The following RAPGEF1 variants were observed in gnomAD, a reference collection of about 807,000 sequenced individuals.
RAPGEF1 encodes the protein Rap guanine nucleotide exchange factor 1.
In RAPGEF1, 33 loss-of-function variants were observed where a neutral mutation model predicts 143.3. The ratio of observed to expected loss-of-function variants is 0.23; its 90% CI spans 0.17 to 0.31. The LOEUF is 0.31. Among genes scored for constraint, RAPGEF1 ranks in the 10% least tolerant of loss-of-function variants. The pLI, the probability that RAPGEF1 is intolerant of heterozygous loss-of-function variation, is 1.00. For synonymous variants in RAPGEF1, 629 were observed against 676.5 expected (o/e 0.93, Z 1.09); for missense variants, 1,199 against 1,645.4 (o/e 0.73, Z 4.69).
Position 131,650,963 on chromosome 9 carries a change from G to C in RAPGEF1, c.62-14C>G, listed in dbSNP as rs1970925282. On this transcript the variant is annotated splice_polypyrimidine_tract_variant and intron_variant, in intron 1 of 26. Transcript: ENST00000683357. The surrounding 1 kb of genome is among the most constrained non-coding windows in gnomAD (Gnocchi z 4.7). Reference sequence around the variant, plus strand: ...AACGCTGAGAGTCTGAAAACAAAGAGGGTACTGACTGTTAGATGGGAGTGG... The same window carrying C: ...AACGCTGAGAGTCTGAAAACAAAGACGGTACTGACTGTTAGATGGGAGTGG... 1.9e-6 allele frequency: 3 copies of C among 1,612,696 alleles called. No individual in the cohort carries two copies. The highest frequency in any genetic ancestry group is 2.5e-6 in the Non-Finnish European group (3 of 1,179,268).
chr9:131,584,624 G>C lies in RAPGEF1; in HGVS notation c.3234-28C>G. The C allele has an allele frequency of 6.2e-7, 1 of 1,610,906 alleles. No individual in the cohort carries two copies. Among genetic ancestry groups the C allele is most frequent in the Admixed American group, 1.7e-5 (1 of 60,014 alleles). ...GCATGGACCAAGGGAAAAAGAAACA[G>C]CTGAGTTGACAAGTCCCTGCAGGTC... On this transcript the variant is annotated intron_variant, in intron 22 of 26. Transcript: ENST00000683357. The surrounding 1 kb of genome is among the most constrained non-coding windows in gnomAD (Gnocchi z 6.8).
chr9:131,697,656 T>C (rs1834294100), intron 1 of RAPGEF1, among the ~76,000 whole-genome samples: 1 of 152,252 alleles, frequency 6.6e-6, no homozygotes, highest in Admixed American at 6.5e-5. Flanking sequence ...GCCTTGGAGA[T>C]GGCTCAAAGT....
intron 5 of RAPGEF1, among the ~76,000 whole-genome samples, chr9:131,631,397 C>G (rs553038174): frequency 2.8e-4 from 42 of 152,224 alleles, no homozygotes; most frequent in Non-Finnish European, 5.7e-4. Context: ...TTGCCTGCTC[C>G]GTCCCCCGAG....
Position 131,622,918 on chromosome 9 carries a change from C to T in RAPGEF1, c.1703-920G>A, listed in dbSNP as rs375409806. On this transcript the variant is annotated intron_variant, in intron 10 of 26. Coordinates refer to ENST00000683357, the MANE Select transcript of RAPGEF1 (RefSeq NM_001377935.1). ...GAGTAGCTGGGATTATAGGCATGCA[C>T]CACCGTGTCCAGCTAATTTTTGTAT... 5.3e-4 allele frequency among the ~76,000 whole-genome samples: 81 copies of T among 152,206 alleles called. No individual in the cohort carries two copies. In the South Asian group the frequency reaches 0.016, roughly 30 times the overall value.
intron 1 of RAPGEF1, among the ~76,000 whole-genome samples, chr9:131,662,550 T>A (rs989440319): frequency 1.1e-4 from 16 of 150,426 alleles, no homozygotes; most frequent in African/African-American, 3.9e-4. Flanking sequence ...TGTTTTATTT[T>A]GTTTTTTTTT....
At chr9:131,609,974 G>T (rs188377938) in intron 12 of RAPGEF1, among the ~76,000 whole-genome samples, 36 of 152,294 alleles carry the variant, frequency 2.4e-4, no homozygotes, top group African/African-American at 8.4e-4. Flanking sequence ...TTGGCTCACT[G>T]TAGCCTCAAC....
intron 1 of RAPGEF1, among the ~76,000 whole-genome samples, chr9:131,719,112 G>C (rs934876659): frequency 2.0e-5 from 3 of 152,110 alleles, no homozygotes; most frequent in African/African-American, 7.2e-5. Context: ...GGAACTACAG[G>C]CACATGCCAC....
intron 3 of RAPGEF1, among the ~76,000 whole-genome samples, chr9:131,645,651 G>C (rs1969369389): frequency 6.6e-6 from 1 of 152,272 alleles, no homozygotes; most frequent in South Asian, 2.1e-4. Flanking sequence ...AGCAGTGAGA[G>C]TTCACAGCCA....
At chr9:131,700,117 ACTCTTTCT>A (rs1834520085) in intron 1 of RAPGEF1, among the ~76,000 whole-genome samples, 1 of 151,186 alleles carries the variant, frequency 6.6e-6, no homozygotes, top group Non-Finnish European at 1.5e-5. Flanking sequence ...GTCCTAGACT[ACTCTTTCT>A]CTCTTTCACC....
At chr9:131,643,481 A>G in intron 3 of RAPGEF1, 64 bp from the exon 4 acceptor site, 2 of 1,464,664 alleles carry the variant, frequency 1.4e-6, no homozygotes, top group Non-Finnish European at 1.8e-6. Flanking sequence ...TTGAAAAAAT[A>G]AAGGAACATT....
chr9:131,681,640 T>A (rs1832917548), intron 1 of RAPGEF1, among the ~76,000 whole-genome samples: 1 of 152,184 alleles, frequency 6.6e-6, no homozygotes, highest in Non-Finnish European at 1.5e-5. Context: ...AAGCTTCCAT[T>A]CAGGCTGCTC....
chr9:131,688,423 A>C (rs917836615), intron 1 of RAPGEF1, among the ~76,000 whole-genome samples: 1 of 152,232 alleles, frequency 6.6e-6, no homozygotes, highest in African/African-American at 2.4e-5. Flanking sequence ...CTACCCATTA[A>C]CATAAGCCAG....
chr9:131,619,234 G>A (rs1959972086), intron 11 of RAPGEF1, 28 bp from the exon 12 acceptor site: 1 of 1,292,746 alleles, frequency 7.7e-7, no homozygotes, highest in Non-Finnish European at 1.0e-6. Flanking sequence ...GGAGAGAGAA[G>A]GCAGGGAAGG....
In RAPGEF1 at chr9:131,650,346, G is replaced by T; in HGVS notation, c.202-104C>A. ...ATAGCTGTTTCAACATATCTGGCTT[G>T]ACTGGCCCTGCTGAGGCCACTAACT... is the stretch of plus-strand genomic sequence containing the variant. On this transcript the variant is annotated intron_variant, in intron 2 of 26. Coordinates refer to ENST00000683357, the MANE Select transcript of RAPGEF1 (RefSeq NM_001377935.1). This position sits in a 1 kb window ranked among gnomAD's most constrained non-coding sequence, Gnocchi z 4.7. The T allele has an allele frequency of 2.4e-6, 2 of 831,222 alleles. No individual in the cohort carries two copies. The highest frequency in any genetic ancestry group is 3.8e-6 in the Non-Finnish European group (2 of 527,710). 51.5% of individuals were successfully genotyped at this position (831,222 alleles called of 1,614,324 possible). A position where few individuals can be genotyped will look rare whatever the true frequency, so the allele number is the denominator to read the frequency against.
chr9:131,687,381 G>T (rs1589010360), intron 1 of RAPGEF1, among the ~76,000 whole-genome samples: 1 of 151,900 alleles, frequency 6.6e-6, no homozygotes, highest in East Asian at 1.9e-4. Context: ...TTTTAGTAGA[G>T]ACGGGGTTTC....
At position 131,604,931 on chromosome 9, in the gene RAPGEF1, C is replaced by T. The variant is rs916014473; in HGVS notation, c.2319G>A (p.Ser773=). 9.2e-6 allele frequency: 12 copies of T among 1,300,170 alleles called. No individual in the cohort carries two copies. Among genetic ancestry groups the T allele is most frequent in the East Asian group, 1.1e-4 (2 of 17,936 alleles). The allele number at this position is 1,300,170 out of a possible 1,614,324, so 80.5% of individuals were successfully genotyped here. A position where few individuals can be genotyped will look rare whatever the true frequency, so the allele number is the denominator to read the frequency against. The change falls in exon 13 of 27, where the codon TCG becomes TCA. Residue 773 remains serine, a splice_region_variant and synonymous_variant. Coordinates refer to ENST00000683357, the MANE Select transcript of RAPGEF1 (RefSeq NM_001377935.1). ...CLPSETSFTD[S]SENASEEAGE... ...GTGTGTGTGCACGCTGAGTTCTCAC[C>T]GAGTCAGTGAAAGAGGTTTCGGAAG...
At position 131,587,786 on chromosome 9, in the gene RAPGEF1, C is replaced by A. The variant is rs1279830486; in HGVS notation, c.3183G>T (p.Lys1061Asn). 6.2e-7 allele frequency: 1 copy of A among 1,613,760 alleles called. No individual in the cohort carries two copies. The highest frequency in any genetic ancestry group is 1.3e-5 in the African/African-American group (1 of 74,944). ...CCGTGAACTGGGTCAAGTTGGGGCT[C>A]TTCTCCTCATTCTGCTCTTTTGCCC... ...LLWAKEQNEE[K>N]SPNLTQFTEH... Residue 1061 changes from lysine (K) to asparagine (N), a missense_variant, in exon 22 of 27, where the codon AAG becomes AAT. Lys to Asn is a moderately conservative substitution (Grantham distance 94). Around this residue, in one of 6 missense-constraint regions of RAPGEF1, gnomAD observed 209 missense variants for 403.0 expected, o/e 0.52. Transcript: ENST00000683357.
At position 131,650,908 on chromosome 9, in the gene RAPGEF1, T is replaced by A. The variant is rs766799115; in HGVS notation, c.103A>T (p.Met35Leu). The change falls in exon 2 of 27, where the codon ATG becomes TTG. Residue 35 changes from methionine to leucine, a missense_variant. Coordinates refer to ENST00000683357, the MANE Select transcript of RAPGEF1 (RefSeq NM_001377935.1). The surrounding 1 kb of genome is among the most constrained non-coding windows in gnomAD (Gnocchi z 4.7). ...SHLSSFTMKLMDKFHSPKIKR... is the reference protein window; with the variant it reads ...SHLSSFTMKLLDKFHSPKIKR... ...ATTTTGGGTGAGTGGAATTTGTCCA[T>A]CAGCTTCATGGTGAAGGAAGAGAGA... 6.2e-7 allele frequency: 1 copy of A among 1,613,950 alleles called. No individual in the cohort carries two copies. The highest frequency in any genetic ancestry group is 8.5e-7 in the Non-Finnish European group (1 of 1,179,848).
chr9:131,662,057 T>C (rs1342643907), intron 1 of RAPGEF1, among the ~76,000 whole-genome samples: 2 of 152,222 alleles, frequency 1.3e-5, no homozygotes, highest in African/African-American at 4.8e-5. Context: ...GAGGCTCGCC[T>C]AAGAATTAAA....
Sources: allele counts gnomAD v4.1 joint callset (sites outside exome capture counted in the v4.1 genomes callset), GRCh38; gene constraint gnomAD v4.1.1; regional missense constraint gnomAD v4.1.1; non-coding constraint Gnocchi (gnomAD v3.1); transcripts MANE v1.5; gene names NCBI Gene and HGNC (gene_info 2026-07-23, HGNC 2026-07-21).